SYN3: variants seen among roughly 807,000 people sequenced by gnomAD.
SYN3 encodes the protein synapsin III.
SYN3 carries 35 observed loss-of-function variants against 65.8 expected under a neutral mutation model. That is an observed-to-expected ratio of 0.53 (90% confidence interval 0.41 to 0.70). The LOEUF (loss-of-function observed/expected upper bound fraction) is 0.70, where lower values mean the gene tolerates loss of function less well. Ranked by LOEUF, SYN3 falls within the 30% of genes least tolerant of loss-of-function variation. The probability of loss-of-function intolerance (pLI) is 0.00; values close to 1 mark genes in which losing one functional copy is unlikely to be tolerated. For synonymous variants in SYN3, 270 were observed against 292.9 expected, an observed-to-expected ratio of 0.92 and a Z score of 0.80; for missense variants, 680 against 749.0, an observed-to-expected ratio of 0.91 and a Z score of 1.08.
intron 1 of SYN3, among the ~76,000 whole-genome samples, chr22:33,013,019 G>A (rs73881934): frequency 0.014 from 2,100 of 152,134 alleles, 52 homozygotes; most frequent in African/African-American, 0.048. Context: ...AGGCTATGCC[G>A]TCATTACTGG....
In SYN3 at chr22:32,539,716, G is replaced by A. The variant is rs150883999; in HGVS notation, c.918-1606C>T. Among the ~76,000 whole-genome samples, 50 of 151,728 alleles carry A rather than the reference G, an allele frequency of 3.3e-4. No individual in the cohort carries two copies. The East Asian group carries it at 8.8e-3, about 27-fold the overall frequency. ...GGCCAGCCCAAGGTCCAGGAAACTC[G>A]GTAAGTAATGACAAAGTGGAGCTGT... On this transcript the variant is annotated intron_variant, in intron 8 of 13. Transcript: ENST00000358763.
intron 7 of SYN3, among the ~76,000 whole-genome samples, chr22:32,559,705 C>T (rs1212826870): frequency 1.3e-5 from 2 of 152,064 alleles, no homozygotes; most frequent in Non-Finnish European, 2.9e-5. Flanking sequence ...GCGGGTGGCG[C>T]CTGTAGTCCC....
Position 32,541,711 on chromosome 22 carries a change from G to A in SYN3, c.777C>T (p.Ile259=). The A allele has an allele frequency of 1.2e-6, 2 of 1,613,794 alleles. No homozygotes were observed. The highest frequency in any genetic ancestry group is 1.7e-6 in the Non-Finnish European group (2 of 1,179,900). Residue 259 remains isoleucine, a splice_region_variant and synonymous_variant, in exon 8 of 14, where the codon ATC becomes ATT. Transcript: ENST00000358763. ...LGHAHAGMGK[I]KVENQLDFQD... ...GGAAGTCAAGCTGGTTTTCCACTTT[G>A]ATCTGTGTGGGAGGATGAGGGGGAT...
chr22:32,844,211 T>C (rs1317672806), intron 6 of SYN3, among the ~76,000 whole-genome samples: 1 of 152,128 alleles, frequency 6.6e-6, no homozygotes, highest in Non-Finnish European at 1.5e-5. Context: ...GGATGGGGGA[T>C]AGAAGCAGAG....
At chr22:32,548,029 C>G (rs2058359105) in intron 7 of SYN3, among the ~76,000 whole-genome samples, 1 of 152,186 alleles carries the variant, frequency 6.6e-6, no homozygotes, top group Admixed American at 6.5e-5. Flanking sequence ...TTTCCTTAAC[C>G]CATTCCTAAT....
At chr22:32,677,670 G>A (rs1302912807) in intron 6 of SYN3, among the ~76,000 whole-genome samples, 1 of 151,996 alleles carries the variant, frequency 6.6e-6, no homozygotes, top group Non-Finnish European at 1.5e-5. Flanking sequence ...TCGTGGTGGC[G>A]GGCGCCTGTA....
At chr22:32,944,965 C>G (rs2051059471) in intron 3 of SYN3, among the ~76,000 whole-genome samples, 1 of 152,118 alleles carries the variant, frequency 6.6e-6, no homozygotes, top group South Asian at 2.1e-4. Flanking sequence ...AATAAAATAC[C>G]TAGGAATCCA....
At chr22:32,590,471 A>G (rs2059113095) in intron 7 of SYN3, among the ~76,000 whole-genome samples, 1 of 152,240 alleles carries the variant, frequency 6.6e-6, no homozygotes, top group Non-Finnish European at 1.5e-5. Context: ...ATGAATTTCC[A>G]GCAATTATAA....
chr22:32,817,541 G>A (rs920255972), intron 6 of SYN3, among the ~76,000 whole-genome samples: 1 of 152,144 alleles, frequency 6.6e-6, no homozygotes, highest in Non-Finnish European at 1.5e-5. Flanking sequence ...GCTCTCCTAG[G>A]GTTGCCAAAC....
chr22:32,957,294 C>T (rs1407597496), intron 3 of SYN3, among the ~76,000 whole-genome samples: 5 of 152,188 alleles, frequency 3.3e-5, no homozygotes, highest in Non-Finnish European at 7.3e-5. Context: ...ATATTTCCTT[C>T]CCCTGGCTGA....
chr22:32,740,658 G>T (rs1040673651), intron 6 of SYN3, among the ~76,000 whole-genome samples: 3 of 152,166 alleles, frequency 2.0e-5, no homozygotes, highest in Admixed American at 1.3e-4. Context: ...GGTCAATGAG[G>T]AAAGACTGAA....
intron 6 of SYN3, among the ~76,000 whole-genome samples, chr22:32,618,074 G>T (rs1436184127): frequency 6.6e-6 from 1 of 152,188 alleles, no homozygotes; most frequent in Non-Finnish European, 1.5e-5. Context: ...TATCCCCGGA[G>T]CCTGGCATGA....
At chr22:33,042,987 C>T (rs575378865) in intron 1 of SYN3, among the ~76,000 whole-genome samples, 31 of 152,206 alleles carry the variant, frequency 2.0e-4, no homozygotes, top group African/African-American at 7.2e-4. Context: ...GTCTCACAGG[C>T]CATATACCCT....
chr22:32,763,845 G>GA (rs2145733016), intron 6 of SYN3, among the ~76,000 whole-genome samples: 1 of 152,294 alleles, frequency 6.6e-6, no homozygotes, highest in Non-Finnish European at 1.5e-5. Flanking sequence ...TCAGGGTATG[G>GA]AAAAGCAGGC....
At chr22:32,988,792 A>C (rs1239696935) in intron 2 of SYN3, among the ~76,000 whole-genome samples, 1 of 152,124 alleles carries the variant, frequency 6.6e-6, no homozygotes, top group Non-Finnish European at 1.5e-5. Flanking sequence ...TGTGTCTGCC[A>C]AAAGGACACG....
At chr22:33,040,054 G>A (rs114487416) in intron 1 of SYN3, among the ~76,000 whole-genome samples, 3,119 of 150,544 alleles carry the variant, frequency 0.021, 116 homozygotes, top group African/African-American at 0.071. Flanking sequence ...TTGAGATGGA[G>A]TCTCCCGCTC....
chr22:33,036,793 T>C (rs959391094), intron 1 of SYN3, among the ~76,000 whole-genome samples: 1 of 149,714 alleles, frequency 6.7e-6, no homozygotes, highest in Non-Finnish European at 1.5e-5. Flanking sequence ...CCAGGTTCAA[T>C]TGATTCTCCT....
chr22:32,579,245 G>A lies in SYN3; in HGVS notation c.774+17429C>T, dbSNP rs1345832754. The stretch of plus-strand genomic sequence containing the variant: ...GGCACCAAATCCATCAGTATTTGTT[G>A]AATGAATGTAAGAGCCATGTCTTAG... On this transcript the variant is annotated intron_variant, in intron 7 of 13. Coordinates refer to ENST00000358763, the MANE Select transcript of SYN3 (RefSeq NM_003490.4). 2.0e-5 allele frequency among the ~76,000 whole-genome samples: 3 copies of A among 152,150 alleles called. No individual in the cohort carries two copies. The East Asian group carries it at 5.8e-4, about 29-fold the overall frequency.
intron 4 of SYN3, among the ~76,000 whole-genome samples, chr22:32,893,502 A>G (rs117931061): frequency 6.6e-6 from 1 of 152,194 alleles, no homozygotes; most frequent in Admixed American, 6.5e-5. Flanking sequence ...ACCCTTCAGT[A>G]GAGTCTTAAA....
Sources: allele counts gnomAD v4.1 joint callset (sites outside exome capture counted in the v4.1 genomes callset), GRCh38; gene constraint gnomAD v4.1.1; transcripts MANE v1.5; gene names NCBI Gene and HGNC (gene_info 2026-07-23, HGNC 2026-07-21).